Variants in ASCC3 observed in about 807,000 individuals in gnomAD.
ASCC3 encodes the protein activating signal cointegrator 1 complex subunit 3.
ASCC3 carries 158 observed loss-of-function variants against 256.3 expected under a neutral mutation model. The observed-to-expected ratio is 0.62, with a 90% CI of 0.54 to 0.70. ASCC3 has a LOEUF of 0.70. Ranked by LOEUF, ASCC3 falls within the 30% of genes least tolerant of loss-of-function variation. ASCC3 has a pLI of 0.00. For missense variants in ASCC3, 2,259 were observed against 2,626.0 expected, an observed-to-expected ratio of 0.86 and a Z score of 3.05; for synonymous variants, 948 against 883.4, an observed-to-expected ratio of 1.07 and a Z score of -1.30.
chr6:100,780,516 A>G (rs1211250403), intron 8 of ASCC3, among the ~76,000 whole-genome samples: 3 of 152,252 alleles, frequency 2.0e-5, no homozygotes, highest in Non-Finnish European at 4.4e-5. Flanking sequence ...AAATGGAAGG[A>G]TTGCTTGAGG....
rs756009343 is a variant in ASCC3, at chr6:100,589,625, A to C, written c.5550+9T>G. The C allele has an allele frequency of 2.5e-6, 4 of 1,613,010 alleles. No individual in the cohort carries two copies. The South Asian group carries it at 4.4e-5, about 18-fold the overall frequency. On this transcript the variant is annotated intron_variant, in intron 36 of 41. Transcript: ENST00000369162. ...AAAAGAGAAGATATGAAATATATGA[A>C]AAACTCACACTTAGAATTGAAAGCA...
intron 36 of ASCC3, among the ~76,000 whole-genome samples, chr6:100,570,826 C>T (rs1241124052): frequency 6.6e-6 from 1 of 152,140 alleles, no homozygotes; most frequent in Non-Finnish European, 1.5e-5. Context: ...AAAACCTAGG[C>T]ATCATCTTCC....
At chr6:100,823,974 A>G (rs1771175402) in intron 4 of ASCC3, among the ~76,000 whole-genome samples, 1 of 152,210 alleles carries the variant, frequency 6.6e-6, no homozygotes, top group Non-Finnish European at 1.5e-5. Flanking sequence ...AGTAATGTTA[A>G]GCTTTTTAAA....
intron 14 of ASCC3, among the ~76,000 whole-genome samples, chr6:100,665,417 C>T (rs1745126217): frequency 6.6e-6 from 1 of 151,924 alleles, no homozygotes. Context: ...TCTGCCTTAG[C>T]TCACAACAAA....
intron 36 of ASCC3, among the ~76,000 whole-genome samples, chr6:100,586,632 C>G (rs1269809622): frequency 6.6e-6 from 1 of 152,154 alleles, no homozygotes; most frequent in South Asian, 2.1e-4. Context: ...TGAGATGAAC[C>G]CGGTACCTCA....
chr6:100,817,557 A>G (rs1279646819), intron 4 of ASCC3, among the ~76,000 whole-genome samples: 2 of 152,082 alleles, frequency 1.3e-5, no homozygotes, highest in Non-Finnish European at 2.9e-5. Flanking sequence ...AAGAGAGAAG[A>G]CTCAAATTAG....
intron 16 of ASCC3, among the ~76,000 whole-genome samples, chr6:100,660,183 C>G (rs1357358121): frequency 6.6e-6 from 1 of 151,504 alleles, no homozygotes; most frequent in East Asian, 1.9e-4. Flanking sequence ...GAAATCTAAG[C>G]TATAATGAAA....
Position 100,623,444 on chromosome 6 carries a change from C to T in ASCC3, c.4785+1748G>A, listed in dbSNP as rs530697668. Among the ~76,000 whole-genome samples the T allele has an allele frequency of 5.3e-5, 8 of 152,198 alleles. No homozygotes were observed. In the East Asian group the frequency reaches 1.5e-3, roughly 29 times the overall value. On this transcript the variant is annotated intron_variant, in intron 30 of 41. Transcript: ENST00000369162. ...TCTGAAATATCAGTTAACTATTACA[C>T]AATAATGTAATACATACAGTACTAT...
intron 11 of ASCC3, among the ~76,000 whole-genome samples, chr6:100,723,871 TATATATATATA>T (rs1779466187): frequency 3.1e-5 from 1 of 31,996 alleles, no homozygotes; most frequent in African/African-American, 1.9e-4. Flanking sequence ...TATATATATA[TATATATATATA>T]TATATATATA....
chr6:100,659,243 A>G (rs1776070225), intron 16 of ASCC3, among the ~76,000 whole-genome samples: 2 of 151,578 alleles, frequency 1.3e-5, no homozygotes, highest in Admixed American at 1.3e-4. Context: ...GAATTTAAAG[A>G]CTTAAAAATT....
chr6:100,564,682 C>T (rs999490469), intron 36 of ASCC3, among the ~76,000 whole-genome samples: 2 of 152,090 alleles, frequency 1.3e-5, no homozygotes, highest in Non-Finnish European at 2.9e-5. Flanking sequence ...CCTCTTGTAC[C>T]TAACATAGTA....
At chr6:100,720,502 C>T (rs1162970905) in intron 11 of ASCC3, among the ~76,000 whole-genome samples, 1 of 151,800 alleles carries the variant, frequency 6.6e-6, no homozygotes, top group African/African-American at 2.4e-5. Flanking sequence ...ACCAACAACA[C>T]ATTCTGCCTC....
intron 37 of ASCC3, among the ~76,000 whole-genome samples, chr6:100,531,387 A>T (rs977266613): frequency 6.6e-6 from 1 of 152,176 alleles, no homozygotes; most frequent in Non-Finnish European, 1.5e-5. Flanking sequence ...ATAAAGCACA[A>T]TGCTGTCTTC....
chr6:100,587,900 G>C (rs1025596163), intron 36 of ASCC3, among the ~76,000 whole-genome samples: 3 of 152,008 alleles, frequency 2.0e-5, no homozygotes, highest in African/African-American at 7.2e-5. Context: ...GTTTTTTTTG[G>C]CTTTTTTAGT....
intron 37 of ASCC3, among the ~76,000 whole-genome samples, chr6:100,525,451 G>T (rs373374058): frequency 3.8e-4 from 57 of 151,974 alleles, no homozygotes; most frequent in Middle Eastern, 3.4e-3. Context: ...AAGAGGAGCC[G>T]GAGAAATGAC....
At chr6:100,859,109 C>T in intron 3 of ASCC3, 1 of 779,576 alleles carries the variant, frequency 1.3e-6, no homozygotes, top group East Asian at 2.4e-5. Context: ...TCATTTTTGT[C>T]ATCTTAGTCC....
chr6:100,511,963 C>A (rs902738876), intron 40 of ASCC3, among the ~76,000 whole-genome samples: 21 of 152,064 alleles, frequency 1.4e-4, no homozygotes, highest in Non-Finnish European at 2.6e-4. Context: ...TCCACTGGAC[C>A]AAAAAGAAGA....
intron 30 of ASCC3, among the ~76,000 whole-genome samples, chr6:100,612,140 G>T (rs1773431523): frequency 1.3e-5 from 2 of 151,958 alleles, no homozygotes; most frequent in Non-Finnish European, 2.9e-5. Flanking sequence ...TAACTTAATA[G>T]AACTTTTTTA....
At chr6:100,863,472 T>A (rs1271367192) in intron 3 of ASCC3, among the ~76,000 whole-genome samples, 1 of 152,176 alleles carries the variant, frequency 6.6e-6, no homozygotes. Context: ...ATTTACTTTA[T>A]CCTTATTTTA....
Sources: gnomAD v4.1 joint callset for allele counts (sites outside exome capture counted in the v4.1 genomes callset) on GRCh38, gnomAD v4.1.1 for gene constraint, MANE v1.5 for transcripts, NCBI Gene and HGNC (gene_info 2026-07-23, HGNC 2026-07-21) for gene names.